WDR36: variants seen among roughly 807,000 people sequenced by gnomAD.
WDR36 encodes WD repeat-containing protein 36.
In WDR36, 63 loss-of-function variants were observed where a neutral mutation model predicts 112.7. The observed-to-expected ratio is 0.56, with a 90% CI of 0.46 to 0.69. The LOEUF (loss-of-function observed/expected upper bound fraction) is 0.69, where lower values mean the gene tolerates loss of function less well. Among genes scored for constraint, WDR36 ranks in the 30% least tolerant of loss-of-function variants. The pLI is 0.00. For synonymous variants in WDR36, 410 were observed against 362.2 expected (o/e 1.13, Z -1.50); for missense variants, 1,226 against 1,070.3 (o/e 1.15, Z -2.03).
rs886059768 is a variant in WDR36, at chr5:111,127,754, T to C, written c.*871T>C. The C allele has an allele frequency of 4.7e-6, 1 of 210,840 alleles. No individual in the cohort carries two copies. The highest frequency in any genetic ancestry group is 5.9e-5 in the Admixed American group (1 of 16,988). 13.1% of individuals were successfully genotyped at this position (210,840 alleles called of 1,614,324 possible). A position where few individuals can be genotyped will look rare whatever the true frequency, so the allele number is the denominator to read the frequency against. The stretch of plus-strand genomic sequence containing the variant: ...GGAAATTCCAAATTCCATTGGAAGA[T>C]GGCCTTTTACTGACACTGCAGACAT... On this transcript the variant is annotated 3_prime_UTR_variant, in exon 23 of 23. Coordinates refer to ENST00000513710, the MANE Select transcript of WDR36 (RefSeq NM_139281.3).
At chr5:111,108,386 G>C (rs1753261094) in intron 12 of WDR36, among the ~76,000 whole-genome samples, 1 of 151,046 alleles carries the variant, frequency 6.6e-6, no homozygotes, top group South Asian at 2.1e-4. Context: ...TTTAATAGAT[G>C]CCTCTGCTTT....
chr5:111,128,132 G>C lies in WDR36; in HGVS notation c.*1249G>C, dbSNP rs1753711851. ...AAAATAAGCAGTTCTTTAAAGCATA[G>C]CGCTCTAAAAACTATTCTTAGTTTA... On this transcript the variant is annotated 3_prime_UTR_variant, in exon 23 of 23. Coordinates refer to ENST00000513710, the MANE Select transcript of WDR36 (RefSeq NM_139281.3). The C allele has an allele frequency of 5.2e-6, 1 of 190,512 alleles. No individual in the cohort carries two copies. The highest frequency in any genetic ancestry group is 1.9e-4 in the South Asian group (1 of 5,148). 11.8% of individuals were successfully genotyped at this position (190,512 alleles called of 1,614,324 possible).
intron 6 of WDR36, among the ~76,000 whole-genome samples, chr5:111,103,056 A>T (rs1452412846): frequency 6.6e-6 from 1 of 151,610 alleles, no homozygotes; most frequent in East Asian, 1.9e-4. Context: ...CATAAGTATC[A>T]GAGGATTAGG....
Position 111,092,526 on chromosome 5 carries a change from A to G in WDR36, c.70A>G (p.Ser24Gly), listed in dbSNP as rs1444738754. 1.2e-6 allele frequency: 2 copies of G among 1,614,246 alleles called. No homozygotes were observed. Among genetic ancestry groups the G allele is most frequent in the Non-Finnish European group, 1.7e-6 (2 of 1,180,040 alleles). Residue 24 changes from serine to glycine, a missense_variant, in exon 1 of 23, where the codon AGC (serine) becomes GGC (glycine). Transcript: ENST00000513710. ...FAGFRALGLF[S>G]NDIPHVVRFS... ...GGGGTTCCGGGCCTTGGGACTTTTC[A>G]GCAACGACATTCCACACGTGGTGCG...
chr5:111,096,972 T>C (rs1034066118), intron 2 of WDR36, 107 bp from the exon 3 acceptor site: 6 of 722,306 alleles, frequency 8.3e-6, no homozygotes, highest in Non-Finnish European at 9.4e-6. Context: ...GATCTTTATT[T>C]ATATATTTTT....
intron 11 of WDR36, among the ~76,000 whole-genome samples, chr5:111,106,427 T>A (rs967148664): frequency 6.6e-6 from 1 of 151,442 alleles, no homozygotes; most frequent in Admixed American, 6.6e-5. Context: ...ATAATGAAAG[T>A]CACTAATGTA....
At chr5:111,109,238 A>T (rs1753277608) in intron 12 of WDR36, among the ~76,000 whole-genome samples, 2 of 151,408 alleles carry the variant, frequency 1.3e-5, no homozygotes. Context: ...ATAAACATTT[A>T]TGAATTTTTC....
Position 111,111,389 on chromosome 5 carries a change from G to A in WDR36, c.1716+111G>A, listed in dbSNP as rs1368573977. On this transcript the variant is annotated intron_variant, in intron 15 of 22. Coordinates refer to ENST00000513710, the MANE Select transcript of WDR36 (RefSeq NM_139281.3). ...ATGAGGTGGTTATCAATTTTAATTT[G>A]CAGGCTATTTTTCAAAGATTTTAAA... The A allele has an allele frequency of 9.8e-6, 9 of 914,196 alleles. No individual in the cohort carries two copies. The East Asian group carries it at 2.0e-4, about 20-fold the overall frequency. 56.6% of individuals were successfully genotyped at this position (914,196 alleles called of 1,614,324 possible).
intron 15 of WDR36, among the ~76,000 whole-genome samples, chr5:111,112,218 C>CT (rs1753356273): frequency 6.6e-6 from 1 of 151,988 alleles, no homozygotes; most frequent in Admixed American, 6.6e-5. Context: ...TCAAACCTTA[C>CT]TTTCAACTTG....
rs1561712518 is a variant in WDR36, at chr5:111,127,933, T to TTTG, written c.*1052_*1053insGTT. On this transcript the variant is annotated 3_prime_UTR_variant, in exon 23 of 23. Transcript: ENST00000513710. ...ATTTTGTTTTGTTTTGTTTTTTTTT[T>TTTG]TTTTTTTTTGGCTACACTTTTTTGG... 1.0e-5 allele frequency: 2 copies of TTTG among 196,078 alleles called. No individual in the cohort carries two copies. Among genetic ancestry groups the TTTG allele is most frequent in the African/African-American group, 5.0e-5 (2 of 39,690 alleles). The allele number at this position is 196,078 out of a possible 1,614,324, so 12.1% of individuals were successfully genotyped here.
At chr5:111,121,283 A>G (rs1580403945) in intron 19 of WDR36, 142 bp downstream of exon 19, 2 of 858,362 alleles carry the variant, frequency 2.3e-6, no homozygotes, top group East Asian at 5.0e-5. Context: ...CTATTTAATC[A>G]AATATTGTTT....
intron 12 of WDR36, 97 bp from the exon 13 acceptor site, chr5:111,110,088 TTAAA>T (rs1287576719): frequency 1.4e-5 from 11 of 798,058 alleles, no homozygotes; most frequent in Non-Finnish European, 4.3e-6. Flanking sequence ...TGTTCTTTTG[TTAAA>T]TAAAAAGGAA....
intron 3 of WDR36, among the ~76,000 whole-genome samples, chr5:111,098,478 G>T (rs1309784400): frequency 1.3e-5 from 2 of 152,180 alleles, no homozygotes; most frequent in African/African-American, 4.8e-5. Flanking sequence ...CAGAGCCTCA[G>T]AGGTCTCATT....
Position 111,128,432 on chromosome 5 carries a change from TG to T in WDR36, c.*1550del, listed in dbSNP as rs1473795574. 2.7e-5 allele frequency: 5 copies of T among 181,850 alleles called. No individual in the cohort carries two copies. In the Admixed American group the frequency reaches 3.1e-4, roughly 11 times the overall value. 11.3% of individuals were successfully genotyped at this position (181,850 alleles called of 1,614,324 possible). A position where few individuals can be genotyped will look rare whatever the true frequency, so the allele number is the denominator to read the frequency against. ...ATGTGTATTGACTTATTAAAGCCAC[TG>T]ACAGAAATGTTAATCATGACTTAAG... is the stretch of plus-strand genomic sequence containing the variant. On this transcript the variant is annotated 3_prime_UTR_variant, in exon 23 of 23. Coordinates refer to ENST00000513710, the MANE Select transcript of WDR36 (RefSeq NM_139281.3).
chr5:111,092,744 C>A (rs1189919494), intron 1 of WDR36, 126 bp downstream of exon 1: 6 of 1,188,046 alleles, frequency 5.1e-6, no homozygotes. Flanking sequence ...CCTCCCTGTC[C>A]TATTAATATT....
chr5:111,098,335 T>G (rs555007835), intron 3 of WDR36, among the ~76,000 whole-genome samples: 2 of 152,210 alleles, frequency 1.3e-5, no homozygotes, highest in Non-Finnish European at 2.9e-5. Context: ...TGAAAGCCAG[T>G]TGGTGATGGA....
At position 111,121,109 on chromosome 5, in the gene WDR36, T is replaced by C. The variant is rs1338824638; in HGVS notation, c.2116T>C (p.Trp706Arg). The C allele has an allele frequency of 1.2e-6, 2 of 1,613,510 alleles. No individual in the cohort carries two copies. The highest frequency in any genetic ancestry group is 1.3e-5 in the African/African-American group (1 of 74,898). ...TCTTTCACTTCTTCCTGAATCACGATGGAAAAACCTTCTTAACCTTGATGT... is the reference window on the plus strand; with the variant it reads ...TCTTTCACTTCTTCCTGAATCACGACGGAAAAACCTTCTTAACCTTGATGT... ...VTLSLLPESR[W>R]KNLLNLDVIK... The change falls in exon 19 of 23, where the codon TGG (tryptophan) becomes CGG (arginine). Residue 706 changes from tryptophan (W) to arginine (R), a missense_variant. Coordinates refer to ENST00000513710, the MANE Select transcript of WDR36 (RefSeq NM_139281.3).
In WDR36 at chr5:111,094,911, T is replaced by C; in HGVS notation, c.163-9T>C. 2 of 1,599,102 alleles carry C rather than the reference T, an allele frequency of 1.3e-6. No individual in the cohort carries two copies. The highest frequency in any genetic ancestry group is 1.7e-6 in the Non-Finnish European group (2 of 1,170,140). On this transcript the variant is annotated splice_polypyrimidine_tract_variant and intron_variant, in intron 1 of 22. Coordinates refer to ENST00000513710, the MANE Select transcript of WDR36 (RefSeq NM_139281.3). ...AATGAAAATTTAACCTTTTTTCTTT[T>C]TTAAACAGGTTCAGAAACTTAGTCT...
At position 111,127,839 on chromosome 5, in the gene WDR36, C is replaced by A; in HGVS notation, c.*956C>A. 1.4e-5 allele frequency: 3 copies of A among 208,356 alleles called. No individual in the cohort carries two copies. Among genetic ancestry groups the A allele is most frequent in the Non-Finnish European group, 1.9e-5 (2 of 102,648 alleles). The allele number at this position is 208,356 out of a possible 1,614,324, so 12.9% of individuals were successfully genotyped here. A position where few individuals can be genotyped will look rare whatever the true frequency, so the allele number is the denominator to read the frequency against. The stretch of plus-strand genomic sequence containing the variant: ...TAAAAATTCCATAAATCCTTGCAAA[C>A]AATTTTTAGCAATATTGTTTATTGC... On this transcript the variant is annotated 3_prime_UTR_variant, in exon 23 of 23. Transcript: ENST00000513710.
Sources: allele counts gnomAD v4.1 joint callset (sites outside exome capture counted in the v4.1 genomes callset), GRCh38; gene constraint gnomAD v4.1.1; transcripts MANE v1.5; gene names NCBI Gene and HGNC (gene_info 2026-07-23, HGNC 2026-07-21).